The following DGKQ variants were observed in gnomAD, a reference collection of about 807,000 sequenced individuals.
DGKQ encodes the protein DAG kinase theta.
A neutral mutation model predicts 104.2 loss-of-function variants in DGKQ; 97 were observed. The observed-to-expected ratio is 0.93, with a 90% CI of 0.79 to 1.10. The LOEUF (loss-of-function observed/expected upper bound fraction) is 1.10, where lower values mean the gene tolerates loss of function less well. Ranked by LOEUF, DGKQ falls within the 50% of genes least tolerant of loss-of-function variation. The pLI is 0.00. For synonymous variants in DGKQ, 736 were observed against 595.2 expected, an observed-to-expected ratio of 1.24 and a Z score of -3.44; for missense variants, 1,465 against 1,352.1, an observed-to-expected ratio of 1.08 and a Z score of -1.31.
chr4:971,479 C>G lies in DGKQ; in HGVS notation c.272-407G>C, dbSNP rs181124456. Among the ~76,000 whole-genome samples the G allele has an allele frequency of 6.6e-6, 1 of 152,196 alleles. No homozygotes were observed. Among genetic ancestry groups the G allele is most frequent in the African/African-American group, 2.4e-5 (1 of 41,446 alleles). ...CAAGGACATCTGTGTCTCACTCCCC[C>G]GAAACTACGCATACCCCTAATTGTC... On this transcript the variant is annotated intron_variant, in intron 1 of 22. Coordinates refer to ENST00000273814, the MANE Select transcript of DGKQ (RefSeq NM_001347.4). This position sits in a 1 kb window ranked among gnomAD's most constrained non-coding sequence, Gnocchi z 4.0.
rs762338449 is a variant in DGKQ at position 962,566 on chromosome 4, C to A, written c.2083G>T (p.Glu695Ter). Residue 695 changes from glutamate (E) to a stop codon, truncating the protein, a stop_gained, in exon 18 of 23, where the codon GAG (glutamate) becomes TAG (stop). Coordinates refer to ENST00000273814, the MANE Select transcript of DGKQ (RefSeq NM_001347.4). LOFTEE classifies it high-confidence loss of function. ...GACAGCAGTACGGAGAACGGGTCCT[C>A]GCCGCTGTAGCCCGCCCCCCAGCGG... ...VLRWGAGYSG[E>*]DPFSVLLSVD... 6.2e-7 allele frequency: 1 copy of A among 1,609,992 alleles called. No individual in the cohort carries two copies. The highest frequency in any genetic ancestry group is 8.5e-7 in the Non-Finnish European group (1 of 1,179,910).
chr4:967,075 C>G (rs1712425737), intron 9 of DGKQ, 21 bp from the exon 10 acceptor site: 3 of 1,545,082 alleles, frequency 1.9e-6, no homozygotes, highest in Non-Finnish European at 2.6e-6. Context: ...ACAGTCTGAG[C>G]TGGAGCTCCC....
chr4:960,793 G>A, intron 22 of DGKQ, 72 bp from the exon 23 acceptor site: 2 of 1,569,640 alleles, frequency 1.3e-6, no homozygotes, highest in African/African-American at 1.3e-5. Flanking sequence ...GCAGCCCCCG[G>A]TCCTGGGGCC....
chr4:964,684 G>A (rs541584590), intron 15 of DGKQ, among the ~76,000 whole-genome samples: 1 of 152,322 alleles, frequency 6.6e-6, no homozygotes, highest in Admixed American at 6.5e-5. Context: ...GGAGCTCCAG[G>A]CAGAGAGCAG....
chr4:965,357 C>T, intron 14 of DGKQ, 66 bp from the exon 15 acceptor site: 2 of 1,577,618 alleles, frequency 1.3e-6, no homozygotes, highest in East Asian at 2.3e-5. Flanking sequence ...AGGGCAGGAA[C>T]CAAACCAGGA....
At chr4:969,013 T>C (rs1016622353) in intron 2 of DGKQ, 103 bp from the exon 3 acceptor site, 2 of 755,948 alleles carry the variant, frequency 2.6e-6, no homozygotes, top group Admixed American at 6.1e-5. Flanking sequence ...ACGCTCCTGC[T>C]GAGAACTGCC....
chr4:967,418 G>A, intron 8 of DGKQ, 57 bp from the exon 9 acceptor site: 3 of 1,333,488 alleles, frequency 2.2e-6, no homozygotes, highest in Non-Finnish European at 3.1e-6. Flanking sequence ...GGGTTCAGTG[G>A]GGGGCAGGTC....
In DGKQ at chr4:962,035, C is replaced by T. The variant is rs1711925121; in HGVS notation, c.2262G>A (p.Leu754=). The change falls in exon 19 of 23, where the codon CTG becomes CTA. Residue 754 remains leucine, a synonymous_variant. Coordinates refer to ENST00000273814, the MANE Select transcript of DGKQ (RefSeq NM_001347.4). ...NYCGIGIDAE[L]SLDFHQAREE... is the part of the protein sequence containing the mutation. ...CCCGTGCCTGGTGGAAGTCCAGGCT[C>T]AGCTCCGCGTCGATGCCAATGCCAC... 6.2e-7 allele frequency: 1 copy of T among 1,613,138 alleles called. No individual in the cohort carries two copies. Among genetic ancestry groups the T allele is most frequent in the Non-Finnish European group, 8.5e-7 (1 of 1,179,964 alleles).
intron 11 of DGKQ, 91 bp from the exon 12 acceptor site, chr4:966,618 A>T: frequency 6.6e-7 from 1 of 1,511,542 alleles, no homozygotes; most frequent in Non-Finnish European, 9.0e-7. Flanking sequence ...GTGGGGATGC[A>T]GGGTGGAGCT....
chr4:964,920 G>A (rs1712181491), intron 15 of DGKQ, among the ~76,000 whole-genome samples: 1 of 151,882 alleles, frequency 6.6e-6, no homozygotes, highest in South Asian at 2.1e-4. Flanking sequence ...CACGGAGCTG[G>A]TATCACCTAC....
chr4:964,679 T>C (rs1254997369), intron 15 of DGKQ, among the ~76,000 whole-genome samples: 2 of 152,076 alleles, frequency 1.3e-5, no homozygotes, highest in African/African-American at 4.8e-5. Flanking sequence ...CCTGGGGAGC[T>C]CCAGGCAGAG....
chr4:965,463 T>C (rs1299301492), intron 14 of DGKQ, 28 bp downstream of exon 14: 1 of 1,607,336 alleles, frequency 6.2e-7, no homozygotes, highest in Non-Finnish European at 8.5e-7. Context: ...CTGGGCCTCA[T>C]GTGACCACGT....
chr4:968,928 C>T lies in DGKQ; in HGVS notation c.352-18G>A, dbSNP rs768308533. 4 of 1,538,154 alleles carry T rather than the reference C, an allele frequency of 2.6e-6. No individual in the cohort carries two copies. The East Asian group carries it at 9.2e-5, about 35-fold the overall frequency. On this transcript the variant is annotated intron_variant, in intron 2 of 22. Transcript: ENST00000273814. ...ACAGGAACCTGGTGGGGCAGCCTCA[C>T]CTCAGCACCCTTGGTAAGGGCAACA...
chr4:969,940 T>G (rs529620465), intron 2 of DGKQ, among the ~76,000 whole-genome samples: 1 of 152,240 alleles, frequency 6.6e-6, no homozygotes, highest in Non-Finnish European at 1.5e-5. Context: ...TTTCCTATCA[T>G]GCATACAGTT....
intron 10 of DGKQ, 47 bp downstream of exon 10, chr4:966,917 C>G (rs1437885616): frequency 9.7e-6 from 15 of 1,545,770 alleles, no homozygotes; most frequent in Non-Finnish European, 1.2e-5. Context: ...GGACAGCGAC[C>G]CCCCACCGAG....
Position 971,166 on chromosome 4 carries a change from C to T in DGKQ, c.272-94G>A, listed in dbSNP as rs2153011381. ...AGGCCCCAGGGCAATGACTGCCATA[C>T]CCACCATGCTGCACCAGGGGCCCTG... On this transcript the variant is annotated intron_variant, in intron 1 of 22. Transcript: ENST00000273814. This position sits in a 1 kb window ranked among gnomAD's most constrained non-coding sequence, Gnocchi z 4.0. 1.1e-6 allele frequency: 1 copy of T among 889,806 alleles called. No homozygotes were observed. Among genetic ancestry groups the T allele is most frequent in the Non-Finnish European group, 1.8e-6 (1 of 559,540 alleles). 55.1% of individuals were successfully genotyped at this position (889,806 alleles called of 1,614,324 possible).
intron 5 of DGKQ, 60 bp from the exon 6 acceptor site, chr4:968,087 G>C: frequency 8.3e-7 from 1 of 1,211,048 alleles, no homozygotes; most frequent in Non-Finnish European, 1.1e-6. Flanking sequence ...CACCAGGTGC[G>C]CCAGGTCCAG....
rs2153007822 is a variant in DGKQ at position 961,781 on chromosome 4, G to C, written c.2369C>G (p.Ser790Cys). The C allele has an allele frequency of 6.2e-7, 1 of 1,611,340 alleles. No homozygotes were observed. The highest frequency in any genetic ancestry group is 1.3e-5 in the African/African-American group (1 of 75,010). ...VRVGLQKISH[S>C]RSLHKQIRLQ... ...CCGGATCTGCTTGTGCAGGCTCCGA[G>C]AGTGACTGATCTTCTGCAGCCCCAC... The change falls in exon 20 of 23, where the codon TCT (serine) becomes TGT (cysteine). Residue 790 changes from serine to cysteine, a missense_variant. Transcript: ENST00000273814.
chr4:967,672 G>C (rs752146003), intron 7 of DGKQ, 23 bp from the exon 8 acceptor site: 1 of 1,612,472 alleles, frequency 6.2e-7, no homozygotes, highest in Non-Finnish European at 8.5e-7. Flanking sequence ...AGCTCCGTGA[G>C]TCCCGGGCGC....
Sources: gnomAD v4.1 joint callset for allele counts (sites outside exome capture counted in the v4.1 genomes callset) on GRCh38, gnomAD v4.1.1 for gene constraint, Gnocchi (gnomAD v3.1) non-coding constraint, MANE v1.5 for transcripts, NCBI Gene and HGNC (gene_info 2026-07-23, HGNC 2026-07-21) for gene names.